Variants in BCCIP observed in about 807,000 individuals in gnomAD.
BCCIP encodes the protein BRCA2 and CDKN1A-interacting protein.
BCCIP carries 23 observed loss-of-function variants against 32.8 expected under a neutral mutation model. That is an observed-to-expected ratio of 0.70 (90% CI 0.51 to 0.99). The LOEUF (loss-of-function observed/expected upper bound fraction) is 0.99, where lower values mean the gene tolerates loss of function less well. Ranked by LOEUF, BCCIP falls within the 50% of genes least tolerant of loss-of-function variation. The pLI is 0.00. For synonymous variants in BCCIP, 144 were observed against 137.6 expected, an observed-to-expected ratio of 1.05 and a Z score of -0.33; for missense variants, 378 against 379.8, an observed-to-expected ratio of 1.00 and a Z score of 0.04.
chr10:125,841,187 T>C (rs199788666), downstream of BCCIP: 4 of 1,391,716 alleles, frequency 2.9e-6, no homozygotes, highest in Non-Finnish European at 4.0e-6. Flanking sequence ...CCCTCTCCTT[T>C]TGTGTGTGTG....
chr10:125,827,570 G>C lies in BCCIP; in HGVS notation c.253G>C (p.Ala85Pro), dbSNP rs139873962. The change falls in exon 3 of 7, where the codon GCT becomes CCT. Residue 85 changes from alanine (A) to proline (P), a missense_variant. Coordinates refer to ENST00000278100, the MANE Select transcript of BCCIP (RefSeq NM_078468.3). ...KKLLQQLFLK[A>P]PVNTAELTDL... ...TTCCTCCTTTTAGCTTTTTCTAAAG[G>C]CTCCTGTGAACACTGCAGAACTAAC... 8.1e-6 allele frequency: 13 copies of C among 1,606,142 alleles called. No individual in the cohort carries two copies. Among genetic ancestry groups the C allele is most frequent in the African/African-American group, 4.0e-5 (3 of 74,596 alleles).
At chr10:125,836,685 A>T, downstream of BCCIP, 1 of 1,613,242 alleles carries the variant, frequency 6.2e-7, no homozygotes, top group Non-Finnish European at 8.5e-7. Flanking sequence ...TTTGCTGGGG[A>T]GTCACTGGAG....
chr10:125,836,548 A>G lies in BCCIP; in HGVS notation c.*274A>G. On this transcript the variant is annotated 3_prime_UTR_variant, in exon 7 of 7. Transcript: ENST00000278100. ...AAAAACTTCTATTTTTTATTTTAAA[A>G]TAATATACACAGTGTTATTTTCTTC... The G allele has an allele frequency of 4.5e-6, 6 of 1,336,062 alleles. No homozygotes were observed. The highest frequency in any genetic ancestry group is 5.9e-6 in the Non-Finnish European group (6 of 1,016,592). 82.8% of individuals were successfully genotyped at this position (1,336,062 alleles called of 1,614,324 possible).
chr10:125,838,355 G>C, downstream of BCCIP: 1 of 1,602,334 alleles, frequency 6.2e-7, no homozygotes, highest in Non-Finnish European at 8.5e-7. Context: ...TCAGCATTAA[G>C]TAGTTACCTG....
chr10:125,853,011 G>C, intron 7 of BCCIP: 1 of 762,312 alleles, frequency 1.3e-6, no homozygotes, highest in Non-Finnish European at 2.2e-6. Flanking sequence ...TTATAGTTTT[G>C]TTCAAATCAA....
At chr10:125,850,248 G>A (rs2134041006) in intron 7 of BCCIP, among the ~76,000 whole-genome samples, 1 of 151,642 alleles carries the variant, frequency 6.6e-6, no homozygotes, top group Admixed American at 6.6e-5. Flanking sequence ...AAGGTGCCAG[G>A]ATTACAGGTG....
At chr10:125,831,110 T>TA (rs1255918578) in intron 4 of BCCIP, among the ~76,000 whole-genome samples, 3 of 152,236 alleles carry the variant, frequency 2.0e-5, no homozygotes, top group Non-Finnish European at 4.4e-5. Flanking sequence ...AGGCTACACT[T>TA]AGTCTTTAAT....
chr10:125,841,418 A>G (rs1012587322), downstream of BCCIP: 18 of 1,591,720 alleles, frequency 1.1e-5, no homozygotes, highest in Admixed American at 2.8e-4. Flanking sequence ...CAGGCACACA[A>G]CATTATTTGG....
Position 125,831,514 on chromosome 10 carries a change from T to A in BCCIP, c.506T>A (p.Leu169Ter). ...ATGGTTGAACAGCTGGACAAGTTTT[T>A]AAATGACACCACCAAGCCTGTGGGC... ...KSMVEQLDKF[L>*]NDTTKPVGLL... The change falls in exon 5 of 7, where the codon TTA becomes TAA. Residue 169 changes from leucine (L) to a stop codon, truncating the protein, a stop_gained. Transcript: ENST00000278100. LOFTEE classifies it high-confidence loss of function. 6.2e-7 allele frequency: 1 copy of A among 1,614,214 alleles called. No homozygotes were observed. Among genetic ancestry groups the A allele is most frequent in the Non-Finnish European group, 8.5e-7 (1 of 1,180,026 alleles).
chr10:125,838,210 C>A (rs772781463), downstream of BCCIP: 2 of 1,599,980 alleles, frequency 1.3e-6, no homozygotes, highest in Non-Finnish European at 1.7e-6. Context: ...ACTTACAGTT[C>A]AGGAGAGATT....
intron 7 of BCCIP, among the ~76,000 whole-genome samples, chr10:125,850,476 GC>G (rs1255464321): frequency 6.7e-6 from 1 of 150,316 alleles, no homozygotes; most frequent in African/African-American, 2.5e-5. Context: ...TCCTGCCTCA[GC>G]CTCCCAAGTA....
chr10:125,840,906 A>G (rs767603862), downstream of BCCIP: 1 of 1,612,328 alleles, frequency 6.2e-7, no homozygotes, highest in South Asian at 1.1e-5. Context: ...GATGAGGGTA[A>G]AGTGATCTCC....
At chr10:125,852,055 A>G (rs1944097642) in intron 7 of BCCIP, among the ~76,000 whole-genome samples, 1 of 152,120 alleles carries the variant, frequency 6.6e-6, no homozygotes, top group Non-Finnish European at 1.5e-5. Flanking sequence ...CCTGTGCTGC[A>G]GTGTCCAACA....
At position 125,827,600 on chromosome 10, in the gene BCCIP, C is replaced by T. The variant is rs778159768; in HGVS notation, c.283C>T (p.Leu95Phe). 1.2e-6 allele frequency: 2 copies of T among 1,613,166 alleles called. No homozygotes were observed. The highest frequency in any genetic ancestry group is 1.7e-6 in the Non-Finnish European group (2 of 1,179,182). The change falls in exon 3 of 7, where the codon CTC becomes TTC. Residue 95 changes from leucine (L) to phenylalanine (F), a missense_variant. Physicochemically the swap from Leu to Phe is conservative, Grantham distance 22. Coordinates refer to ENST00000278100, the MANE Select transcript of BCCIP (RefSeq NM_078468.3). ...TGTGAACACTGCAGAACTAACAGAT[C>T]TCTTAATTCAACAGAACCATATTGG... The part of the protein sequence containing the change: ...APVNTAELTD[L>F]LIQQNHIGSV...
chr10:125,835,386 T>C (rs928021957), intron 6 of BCCIP, among the ~76,000 whole-genome samples: 4 of 152,134 alleles, frequency 2.6e-5, no homozygotes, highest in East Asian at 1.9e-4. Context: ...CAGACCATCC[T>C]GGCTAACACG....
At chr10:125,838,624 C>T (rs927449373), downstream of BCCIP, among the ~76,000 whole-genome samples, 4 of 152,122 alleles carry the variant, frequency 2.6e-5, no homozygotes, top group South Asian at 2.1e-4. Context: ...TAAAACAGTG[C>T]AGCTGTGAGG....
intron 4 of BCCIP, among the ~76,000 whole-genome samples, 175 bp from the exon 5 acceptor site, chr10:125,831,245 T>C (rs1336102586): frequency 6.6e-6 from 1 of 152,246 alleles, no homozygotes; most frequent in Non-Finnish European, 1.5e-5. Context: ...AAATAACCAG[T>C]GTATTTACTT....
At chr10:125,834,501 C>T (rs578179092) in intron 6 of BCCIP, among the ~76,000 whole-genome samples, 7 of 152,120 alleles carry the variant, frequency 4.6e-5, no homozygotes, top group African/African-American at 1.7e-4. Flanking sequence ...CCCTCTCTTC[C>T]TCTGAAAAAT....
At chr10:125,853,112 AT>A in intron 7 of BCCIP, 1 of 1,580,326 alleles carries the variant, frequency 6.3e-7, no homozygotes, top group South Asian at 1.1e-5. Flanking sequence ...ACTAACAATG[AT>A]TTTCCTTACA....
Sources: gnomAD v4.1 joint callset for allele counts (sites outside exome capture counted in the v4.1 genomes callset) on GRCh38, gnomAD v4.1.1 for gene constraint, MANE v1.5 for transcripts, NCBI Gene and HGNC (gene_info 2026-07-23, HGNC 2026-07-21) for gene names.